Variants in SYT2 observed in about 807,000 individuals in gnomAD.
SYT2 encodes the protein synaptotagmin 2.
Under a neutral mutation model 39.9 loss-of-function variants are expected in SYT2, and 15 were observed. The observed-to-expected ratio is 0.38, with a 90% CI of 0.25 to 0.58. The LOEUF is 0.58. SYT2 is among the 20% of genes least tolerant of loss of function. The probability of loss-of-function intolerance (pLI) is 0.70; values close to 1 mark genes in which losing one functional copy is unlikely to be tolerated. For synonymous variants in SYT2, 181 were observed against 204.5 expected (o/e 0.89, Z 0.98); for missense variants, 389 against 530.3 (o/e 0.73, Z 2.62).
At chr1:202,615,088 C>CG in intron 1 of SYT2, among the ~76,000 whole-genome samples, 1 of 152,170 alleles carries the variant, frequency 6.6e-6, no homozygotes, top group South Asian at 2.1e-4. Context: ...ATGTCATCCC[C>CG]GAGCTCTTAT....
At chr1:202,698,118 C>CCCA (rs1479154664) in intron 1 of SYT2, among the ~76,000 whole-genome samples, 1 of 146,348 alleles carries the variant, frequency 6.8e-6, no homozygotes, top group Non-Finnish European at 1.5e-5. Flanking sequence ...CACCACCCCC[C>CCCA]CAAGGAAAGT....
rs1653871397 is a variant in SYT2 at position 202,692,840 on chromosome 1, G to A, written c.-18+17418C>T. On this transcript the variant is annotated intron_variant, in intron 1 of 8. Coordinates refer to ENST00000367268, the MANE Select transcript of SYT2 (RefSeq NM_177402.5). ...TTTGGGAGACCGAGGTGGGAAGATG[G>A]CTTGAGCCCAGGAGTTCAAGACCAG... Among the ~76,000 whole-genome samples, 5 of 152,248 alleles carry A rather than the reference G, an allele frequency of 3.3e-5. No individual in the cohort carries two copies. The South Asian group carries it at 1.0e-3, about 32-fold the overall frequency.
intron 1 of SYT2, among the ~76,000 whole-genome samples, chr1:202,674,317 G>A (rs1330446660): frequency 6.6e-6 from 1 of 152,148 alleles, no homozygotes; most frequent in African/African-American, 2.4e-5. Flanking sequence ...GGCCAGGCTG[G>A]TCTCGAACTC....
intron 1 of SYT2, among the ~76,000 whole-genome samples, chr1:202,638,698 G>A (rs926381180): frequency 2.6e-5 from 4 of 151,326 alleles, no homozygotes; most frequent in East Asian, 2.0e-4. Flanking sequence ...GCTCACACCC[G>A]AGGCCCTACA....
intron 1 of SYT2, among the ~76,000 whole-genome samples, chr1:202,642,387 G>A (rs957281452): frequency 1.2e-4 from 18 of 151,854 alleles, no homozygotes; most frequent in Admixed American, 9.2e-4. Flanking sequence ...CCCCATTCCT[G>A]TCTTGGGCAC....
chr1:202,634,835 C>G (rs1490019070), intron 1 of SYT2, among the ~76,000 whole-genome samples: 1 of 152,134 alleles, frequency 6.6e-6, no homozygotes, highest in Non-Finnish European at 1.5e-5. Context: ...GGTGCAACTT[C>G]ATAGAGACAG....
At chr1:202,667,358 C>T (rs1295936118) in intron 1 of SYT2, among the ~76,000 whole-genome samples, 3 of 152,182 alleles carry the variant, frequency 2.0e-5, no homozygotes, top group Non-Finnish European at 2.9e-5. Context: ...TCTCCACCAA[C>T]GCCTGCCTGT....
At chr1:202,655,451 C>G (rs370620673) in intron 1 of SYT2, among the ~76,000 whole-genome samples, 2 of 152,118 alleles carry the variant, frequency 1.3e-5, no homozygotes, top group African/African-American at 4.8e-5. Context: ...AACAGCTGAT[C>G]AAGTGTCTGA....
chr1:202,652,393 GCTC>G (rs923985345), intron 1 of SYT2, among the ~76,000 whole-genome samples: 3 of 152,212 alleles, frequency 2.0e-5, no homozygotes, highest in African/African-American at 7.2e-5. Flanking sequence ...TCATCTCTCA[GCTC>G]CTCCTTTGAA....
intron 1 of SYT2, among the ~76,000 whole-genome samples, chr1:202,684,168 T>C (rs973382586): frequency 1.3e-5 from 2 of 152,302 alleles, no homozygotes; most frequent in Middle Eastern, 3.4e-3. Context: ...TCCCCTTCCA[T>C]AGTTATCTTT....
intron 1 of SYT2, among the ~76,000 whole-genome samples, chr1:202,699,348 A>G (rs1654055687): frequency 1.3e-5 from 2 of 152,148 alleles, no homozygotes; most frequent in African/African-American, 4.8e-5. Flanking sequence ...GACTGGCACA[A>G]CCAGCTCTAG....
chr1:202,613,068 CTTTTTTTTTTTTTTTT>C (rs146069389), intron 1 of SYT2, among the ~76,000 whole-genome samples: 3 of 75,120 alleles, frequency 4.0e-5, no homozygotes, highest in East Asian at 3.9e-4. Context: ...TTGGTTCTTC[CTTTTTTTTTTTTTTTT>C]TTTTTTTTTT....
intron 1 of SYT2, among the ~76,000 whole-genome samples, chr1:202,625,096 GTA>G (rs1469319477): frequency 7.4e-4 from 100 of 134,908 alleles, no homozygotes; most frequent in African/African-American, 1.6e-3. Context: ...TTTGTGTGTG[GTA>G]TGTGTGTGGT....
At position 202,595,883 on chromosome 1, in the gene SYT2, C is replaced by T. The variant is rs1690266686; in HGVS notation, c.*874G>A. The T allele has an allele frequency of 6.6e-6, 1 of 152,014 alleles. No individual in the cohort carries two copies. The highest frequency in any genetic ancestry group is 2.1e-4 in the South Asian group (1 of 4,816). 9.4% of individuals were successfully genotyped at this position (152,014 alleles called of 1,614,324 possible). On this transcript the variant is annotated 3_prime_UTR_variant, in exon 9 of 9. Transcript: ENST00000367268. ...GAGTGAGATTTTGGGACTGAGAGTC[C>T]CTGTTAGTCTGACCCAACTAGTGAA... is the stretch of plus-strand genomic sequence containing the variant.
intron 1 of SYT2, among the ~76,000 whole-genome samples, chr1:202,621,135 G>A (rs1459253971): frequency 6.6e-6 from 1 of 152,152 alleles, no homozygotes. Context: ...GGGAAAGGAG[G>A]AGCTGGAAAA....
chr1:202,699,987 T>C (rs1654071931), intron 1 of SYT2, among the ~76,000 whole-genome samples: 2 of 152,126 alleles, frequency 1.3e-5, no homozygotes, highest in African/African-American at 4.8e-5. Flanking sequence ...CCCCTTCCTT[T>C]AAACAGAAGC....
chr1:202,600,285 T>G, intron 7 of SYT2, 72 bp downstream of exon 7: 1 of 1,290,064 alleles, frequency 7.8e-7, no homozygotes, highest in Admixed American at 1.7e-5. Context: ...CACTGGAGTG[T>G]GCAAACTCTG....
chr1:202,631,063 G>C (rs981969775), intron 1 of SYT2, among the ~76,000 whole-genome samples: 3 of 152,196 alleles, frequency 2.0e-5, no homozygotes, highest in Admixed American at 1.3e-4. Context: ...TATCACAGCC[G>C]AGGAAACTGA....
chr1:202,662,021 G>A (rs187871202), intron 1 of SYT2, among the ~76,000 whole-genome samples: 2 of 152,324 alleles, frequency 1.3e-5, no homozygotes, highest in African/African-American at 2.4e-5. Flanking sequence ...GGAGACACAC[G>A]TGTGATCACA....
Sources: allele counts gnomAD v4.1 joint callset (sites outside exome capture counted in the v4.1 genomes callset), GRCh38; gene constraint gnomAD v4.1.1; transcripts MANE v1.5; gene names NCBI Gene and HGNC (gene_info 2026-07-23, HGNC 2026-07-21).